Variants in JAKMIP3 observed in about 807,000 individuals in gnomAD.
JAKMIP3 encodes the protein Janus kinase and microtubule interacting protein 3, also known as janus kinase and microtubule-interacting protein 3.
In JAKMIP3, 58 loss-of-function variants were observed where a neutral mutation model predicts 118.5. The observed-to-expected ratio is 0.49, with a 90% CI of 0.40 to 0.61. The LOEUF (loss-of-function observed/expected upper bound fraction) is 0.61. Ranked by LOEUF, JAKMIP3 falls within the 20% of genes least tolerant of loss-of-function variation. The pLI, the probability that JAKMIP3 is intolerant of heterozygous loss-of-function variation, is 0.00. For synonymous variants in JAKMIP3, 486 were observed against 451.2 expected, an observed-to-expected ratio of 1.08 and a Z score of -0.98; for missense variants, 950 against 1,109.0, an observed-to-expected ratio of 0.86 and a Z score of 2.04.
chr10:132,158,449 A>G (rs1313439503), intron 19 of JAKMIP3, among the ~76,000 whole-genome samples: 1 of 152,104 alleles, frequency 6.6e-6, no homozygotes, highest in East Asian at 1.9e-4. Context: ...CTGTGAGGCC[A>G]CCTCTCTCTG....
At chr10:132,083,336 C>T (rs752513061) in intron 1 of JAKMIP3, among the ~76,000 whole-genome samples, 3 of 152,098 alleles carry the variant, frequency 2.0e-5, no homozygotes, top group South Asian at 2.1e-4. Context: ...TATCTTCTTT[C>T]GAGAATTGTC....
chr10:132,051,074 C>G (rs1053272321), intron 1 of JAKMIP3, among the ~76,000 whole-genome samples: 119 of 145,516 alleles, frequency 8.2e-4, no homozygotes, highest in Non-Finnish European at 1.5e-3. Flanking sequence ...GGGTACCTGC[C>G]TGTCTTTCCT....
chr10:132,163,460 C>T (rs1443903136), intron 20 of JAKMIP3, 48 bp downstream of exon 20: 3 of 1,517,302 alleles, frequency 2.0e-6, no homozygotes, highest in Non-Finnish European at 2.7e-6. Context: ...TGGCCAGGAC[C>T]TGCACAGAGC....
intron 1 of JAKMIP3, among the ~76,000 whole-genome samples, chr10:132,068,296 C>G (rs2133931346): frequency 6.6e-6 from 1 of 152,260 alleles, no homozygotes; most frequent in East Asian, 1.9e-4. Context: ...TTTTATTTTT[C>G]CTTGACTCCT....
At chr10:132,046,944 C>A (rs1247468674) in intron 1 of JAKMIP3, among the ~76,000 whole-genome samples, 2 of 152,118 alleles carry the variant, frequency 1.3e-5, no homozygotes, top group Non-Finnish European at 2.9e-5. Flanking sequence ...AGTGCAGGGG[C>A]ATAATCAGAG....
chr10:132,036,386 G>T (rs1344212278), upstream of JAKMIP3, among the ~76,000 whole-genome samples: 3 of 152,250 alleles, frequency 2.0e-5, no homozygotes, highest in African/African-American at 7.2e-5. Flanking sequence ...TGCGCATGGC[G>T]CTGGGATCGG....
At chr10:132,171,843 C>T (rs1343775734) in intron 23 of JAKMIP3, among the ~76,000 whole-genome samples, 5 of 151,888 alleles carry the variant, frequency 3.3e-5, no homozygotes, top group Non-Finnish European at 5.9e-5. Context: ...TTAGTAGAGA[C>T]GGGGGTTTCA....
chr10:132,116,042 C>T (rs967265285), intron 2 of JAKMIP3, among the ~76,000 whole-genome samples: 2 of 152,230 alleles, frequency 1.3e-5, no homozygotes, highest in African/African-American at 2.4e-5. Flanking sequence ...TATAGGACCC[C>T]CACAGCGTGT....
At chr10:132,152,685 G>A (rs1043808048) in intron 16 of JAKMIP3, among the ~76,000 whole-genome samples, 3 of 152,216 alleles carry the variant, frequency 2.0e-5, no homozygotes, top group East Asian at 1.9e-4. Flanking sequence ...CAGCGCATAC[G>A]CATCTGCCTC....
intron 1 of JAKMIP3, among the ~76,000 whole-genome samples, chr10:132,050,055 TTTC>T (rs1248125310): frequency 7.2e-5 from 11 of 152,206 alleles, no homozygotes; most frequent in Non-Finnish European, 1.2e-4. Flanking sequence ...TCTCTCTCTT[TTTC>T]TTCTTTTCTC....
intron 1 of JAKMIP3, among the ~76,000 whole-genome samples, chr10:132,069,534 G>A (rs1032708498): frequency 7.9e-5 from 12 of 152,196 alleles, no homozygotes; most frequent in Middle Eastern, 3.4e-3. Flanking sequence ...GACTTGGGCT[G>A]AAGCTCTGCT....
chr10:132,122,198 C>T (rs1455322570), intron 3 of JAKMIP3, among the ~76,000 whole-genome samples: 1 of 152,200 alleles, frequency 6.6e-6, no homozygotes, highest in African/African-American at 2.4e-5. Flanking sequence ...GGCTCCCCGG[C>T]TGTCGGGGCC....
chr10:132,076,766 G>A (rs1018071275), intron 1 of JAKMIP3, among the ~76,000 whole-genome samples: 8 of 151,348 alleles, frequency 5.3e-5, no homozygotes, highest in Non-Finnish European at 1.0e-4. Flanking sequence ...ACTGGCCTGA[G>A]GTGGCCCCGG....
At chr10:132,082,980 A>G (rs184119693) in intron 1 of JAKMIP3, among the ~76,000 whole-genome samples, 6 of 152,330 alleles carry the variant, frequency 3.9e-5, no homozygotes, top group Admixed American at 1.3e-4. Context: ...GCAATTGTGA[A>G]TTGTGCTGCT....
At chr10:132,109,401 A>G (rs1455578338) in intron 2 of JAKMIP3, among the ~76,000 whole-genome samples, 2 of 152,220 alleles carry the variant, frequency 1.3e-5, no homozygotes, top group African/African-American at 2.4e-5. Context: ...CACCCCCCAC[A>G]ATTAACGAAT....
intron 3 of JAKMIP3, among the ~76,000 whole-genome samples, chr10:132,130,572 C>A (rs530745019): frequency 6.6e-6 from 1 of 152,326 alleles, no homozygotes; most frequent in South Asian, 2.1e-4. Flanking sequence ...TTGGAAGGAT[C>A]CTGGCTCCAT....
At chr10:132,041,350 G>C (rs1416397312) in intron 1 of JAKMIP3, among the ~76,000 whole-genome samples, 2 of 152,236 alleles carry the variant, frequency 1.3e-5, no homozygotes, top group Non-Finnish European at 2.9e-5. Flanking sequence ...GCTGGAGTGG[G>C]TGGTAGGTGC....
intron 11 of JAKMIP3, among the ~76,000 whole-genome samples, chr10:132,143,342 G>A (rs2135988483): frequency 6.6e-6 from 1 of 152,126 alleles, no homozygotes; most frequent in East Asian, 1.9e-4. Context: ...GAGCCTCATG[G>A]GCCCAGCCTT....
intron 1 of JAKMIP3, among the ~76,000 whole-genome samples, chr10:132,048,259 T>A (rs2037984038): frequency 6.6e-6 from 1 of 152,180 alleles, no homozygotes; most frequent in African/African-American, 2.4e-5. Context: ...AGTTAATGGC[T>A]CTCCGAGCGC....
Sources: allele counts gnomAD v4.1 joint callset (sites outside exome capture counted in the v4.1 genomes callset), GRCh38; gene constraint gnomAD v4.1.1; transcripts MANE v1.5; gene names NCBI Gene and HGNC (gene_info 2026-07-23, HGNC 2026-07-21).